ZCCHC2: variants seen among roughly 807,000 people sequenced by gnomAD.
ZCCHC2 encodes zinc finger CCHC-type containing 2.
ZCCHC2 carries 39 observed loss-of-function variants against 103.6 expected under a neutral mutation model. The observed-to-expected ratio is 0.38, with a 90% CI of 0.29 to 0.49. The LOEUF is 0.49. Ranked by LOEUF, ZCCHC2 falls within the 20% of genes least tolerant of loss-of-function variation. ZCCHC2 has a pLI of 0.96. For missense variants in ZCCHC2, 1,483 were observed against 1,491.0 expected, an observed-to-expected ratio of 0.99 and a Z score of 0.09; for synonymous variants, 687 against 608.9, an observed-to-expected ratio of 1.13 and a Z score of -1.89.
intron 10 of ZCCHC2, 46 bp from the exon 11 acceptor site, chr18:62,564,956 G>A (rs1257501926): frequency 1.5e-6 from 2 of 1,375,620 alleles, no homozygotes; most frequent in Admixed American, 1.7e-5. Flanking sequence ...AATGTGTTTG[G>A]TAGATAACCT....
chr18:62,560,830 G>GT lies in ZCCHC2; in HGVS notation c.1550+195dup, dbSNP rs560589871. Among the ~76,000 whole-genome samples, 1,483 of 149,992 alleles carry GT rather than the reference G, an allele frequency of 9.9e-3. 34 individuals carry two copies. The highest frequency in any genetic ancestry group is 9.5e-3 in the African/African-American group (388 of 40,894). On this transcript the variant is annotated intron_variant, in intron 8 of 13. Coordinates refer to ENST00000269499, the MANE Select transcript of ZCCHC2 (RefSeq NM_017742.6). Reference sequence around the variant, plus strand: ...CCTTTTGGGTTGTTTTTCTTCTGTGGTTTTTTTTTGTTTTGTTTTGTTTTG... The same window carrying GT: ...CCTTTTGGGTTGTTTTTCTTCTGTGGTTTTTTTTTTGTTTTGTTTTGTTTTG...
Position 62,574,157 on chromosome 18 carries a change from A to T in ZCCHC2, c.2076A>T (p.Gln692His), listed in dbSNP as rs1332766486. ...NQTVTVKPPV[Q>H]IASLGNENGN... ...CTGTCACTGTCAAGCCACCTGTTCA[A>T]ATTGCTTCACTAGGAAATGAGAATG... The change falls in exon 13 of 14, where the codon CAA becomes CAT. Residue 692 changes from glutamine to histidine, a missense_variant. By Grantham distance (24) the Gln-to-His change is conservative (BLOSUM62 0). This residue lies in a region of ZCCHC2 where 884 missense variants were observed against 907.5 expected (regional missense o/e 0.97). Coordinates refer to ENST00000269499, the MANE Select transcript of ZCCHC2 (RefSeq NM_017742.6). 6.2e-7 allele frequency: 1 copy of T among 1,614,070 alleles called. No homozygotes were observed. The highest frequency in any genetic ancestry group is 8.5e-7 in the Non-Finnish European group (1 of 1,179,900).
intron 1 of ZCCHC2, among the ~76,000 whole-genome samples, chr18:62,530,708 A>AC (rs963087643): frequency 2.4e-4 from 37 of 152,106 alleles, no homozygotes; most frequent in African/African-American, 8.9e-4. Context: ...CTACAGATAA[A>AC]CCCAAAGGAA....
chr18:62,532,265 A>G (rs1914714330), intron 1 of ZCCHC2, among the ~76,000 whole-genome samples: 2 of 152,202 alleles, frequency 1.3e-5, no homozygotes, highest in South Asian at 2.1e-4. Context: ...TGGTACCATT[A>G]TGTTTCTAGT....
At chr18:62,531,485 A>G (rs911885547) in intron 1 of ZCCHC2, among the ~76,000 whole-genome samples, 7 of 152,206 alleles carry the variant, frequency 4.6e-5, no homozygotes, top group African/African-American at 1.7e-4. Context: ...GTCTTCCCAA[A>G]GTCCAGAGTG....
At chr18:62,572,966 G>A (rs1916651135) in intron 12 of ZCCHC2, among the ~76,000 whole-genome samples, 1 of 152,092 alleles carries the variant, frequency 6.6e-6, no homozygotes, top group Non-Finnish European at 1.5e-5. Context: ...TTCACTCTTT[G>A]AGTTTCTTCT....
intron 11 of ZCCHC2, 125 bp from the exon 12 acceptor site, chr18:62,569,978 G>C: frequency 1.1e-6 from 1 of 886,080 alleles, no homozygotes; most frequent in East Asian, 2.8e-5. Flanking sequence ...TCAAGGACAA[G>C]CTTTTTTAGA....
intron 7 of ZCCHC2, among the ~76,000 whole-genome samples, chr18:62,560,130 G>A (rs546730576): frequency 8.1e-4 from 123 of 152,278 alleles, no homozygotes; most frequent in African/African-American, 2.7e-3. Context: ...GGGATGAGGG[G>A]GAGTGGAATG....
chr18:62,529,077 T>C (rs1914568285), intron 1 of ZCCHC2, among the ~76,000 whole-genome samples: 1 of 150,096 alleles, frequency 6.7e-6, no homozygotes, highest in Non-Finnish European at 1.5e-5. Context: ...AGAGAATTGC[T>C]TGAACCAGAG....
In ZCCHC2 at chr18:62,577,658, G is replaced by A. The variant is rs1458790093; in HGVS notation, c.*1079G>A. ...CACTTTTATAACAGTTTACCACTATGCTTGATTATAATGTGAAAGGCGGAA... is the reference window on the plus strand; with the variant it reads ...CACTTTTATAACAGTTTACCACTATACTTGATTATAATGTGAAAGGCGGAA... On this transcript the variant is annotated 3_prime_UTR_variant, in exon 14 of 14. Transcript: ENST00000269499. 1 of 152,496 alleles carries A rather than the reference G, an allele frequency of 6.6e-6. No individual in the cohort carries two copies. The highest frequency in any genetic ancestry group is 2.1e-4 in the South Asian group (1 of 4,832). The allele number at this position is 152,496 out of a possible 1,614,324, so 9.4% of individuals were successfully genotyped here.
chr18:62,525,608 T>A (rs929187616), intron 1 of ZCCHC2: 1 of 152,224 alleles, frequency 6.6e-6, no homozygotes, highest in African/African-American at 2.4e-5. Flanking sequence ...ATCAATGGAT[T>A]TGGGGCTGGA....
exon 15 of ZCCHC2, chr18:62,586,450 C>T (rs1211547136): frequency 6.6e-6 from 1 of 151,440 alleles, no homozygotes. Context: ...GTCAGAAAGT[C>T]TCGGACTCCT....
chr18:62,558,808 C>A, intron 7 of ZCCHC2, 38 bp downstream of exon 7: 3 of 1,331,898 alleles, frequency 2.3e-6, no homozygotes, highest in Non-Finnish European at 3.1e-6. Context: ...ATTCTGCCTG[C>A]TGATAGCACA....
chr18:62,546,602 T>A (rs1047426568), intron 4 of ZCCHC2, among the ~76,000 whole-genome samples: 1 of 152,116 alleles, frequency 6.6e-6, no homozygotes, highest in Non-Finnish European at 1.5e-5. Context: ...CCAAGTGACT[T>A]GGTGCCAGTG....
chr18:62,563,084 G>C lies in ZCCHC2; in HGVS notation c.1626G>C (p.Trp542Cys). The change falls in exon 9 of 14, where the codon TGG becomes TGC. Residue 542 changes from tryptophan (W) to cysteine (C), a missense_variant. This residue lies in a region of ZCCHC2 where 884 missense variants were observed against 907.5 expected (regional missense o/e 0.97). Transcript: ENST00000269499. ...CTGAACAGAATGGAATTGTGGATTGGAGGAAGCAAAGCTGTACCACCATTC... is the reference window on the plus strand; with the variant it reads ...CTGAACAGAATGGAATTGTGGATTGCAGGAAGCAAAGCTGTACCACCATTC... ...QYSEQNGIVD[W>C]RKQSCTTIQH... 6.2e-7 allele frequency: 1 copy of C among 1,613,920 alleles called. No individual in the cohort carries two copies. The highest frequency in any genetic ancestry group is 2.2e-5 in the East Asian group (1 of 44,882).
At chr18:62,531,793 A>T (rs1164169414) in intron 1 of ZCCHC2, among the ~76,000 whole-genome samples, 3 of 11,326 alleles carry the variant, frequency 2.6e-4, no homozygotes, top group East Asian at 7.2e-3. Flanking sequence ...ACAAAAAGTA[A>T]AAAAAAAAAA....
At chr18:62,537,978 ATCT>A (rs1418071721) in intron 1 of ZCCHC2, among the ~76,000 whole-genome samples, 5 of 152,246 alleles carry the variant, frequency 3.3e-5, no homozygotes, top group Non-Finnish European at 7.3e-5. Context: ...ATAAAGTGGT[ATCT>A]TCTTATGCAT....
At chr18:62,563,574 C>G (rs140065865) in intron 9 of ZCCHC2, among the ~76,000 whole-genome samples, 1 of 152,158 alleles carries the variant, frequency 6.6e-6, no homozygotes, top group African/African-American at 2.4e-5. Context: ...GGAGGATCAC[C>G]TGAGCCCAGG....
At chr18:62,532,391 A>G (rs890838099) in intron 1 of ZCCHC2, among the ~76,000 whole-genome samples, 3 of 152,208 alleles carry the variant, frequency 2.0e-5, no homozygotes, top group African/African-American at 7.2e-5. Context: ...AGACTTTTAT[A>G]GTAGCCTTCT....
Sources: allele counts gnomAD v4.1 joint callset (sites outside exome capture counted in the v4.1 genomes callset), GRCh38; gene constraint gnomAD v4.1.1; regional missense constraint gnomAD v4.1.1; transcripts MANE v1.5; gene names NCBI Gene and HGNC (gene_info 2026-07-23, HGNC 2026-07-21).